Variants in PUM3 observed in about 807,000 individuals in gnomAD.
PUM3 encodes pumilio homolog 3.
A neutral mutation model predicts 84.0 loss-of-function variants in PUM3; 91 were observed. The ratio of observed to expected loss-of-function variants is 1.08; its 90% CI spans 0.91 to 1.29. The LOEUF is 1.29. Ranked by LOEUF, PUM3 falls within the 50% of genes most tolerant of loss-of-function variation. The pLI, the probability that PUM3 is intolerant of heterozygous loss-of-function variation, is 0.00. For synonymous variants in PUM3, 321 were observed against 266.7 expected (o/e 1.20, Z -1.98); for missense variants, 1,067 against 767.5 (o/e 1.39, Z -4.61).
intron 16 of PUM3, among the ~76,000 whole-genome samples, chr9:2,808,838 C>T (rs576713784): frequency 1.3e-5 from 2 of 152,298 alleles, no homozygotes; most frequent in East Asian, 3.9e-4. Context: ...CAGTGGGCCT[C>T]TGTGATTGAC....
chr9:2,810,729 G>C (rs1009992993), intron 15 of PUM3, among the ~76,000 whole-genome samples: 1 of 152,168 alleles, frequency 6.6e-6, no homozygotes, highest in Non-Finnish European at 1.5e-5. Flanking sequence ...TCATCTTAAT[G>C]CTAATCACGT....
At chr9:2,810,505 T>C in intron 15 of PUM3, 74 bp from the exon 16 acceptor site, 1 of 1,016,908 alleles carries the variant, frequency 9.8e-7, no homozygotes, top group Non-Finnish European at 1.5e-6. Flanking sequence ...GAATACATAC[T>C]ATTTATGCCA....
At chr9:2,843,764 G>C (rs185169426) in intron 1 of PUM3, among the ~76,000 whole-genome samples, 2,770 of 151,890 alleles carry the variant, frequency 0.018, 98 homozygotes, top group African/African-American at 0.063. Flanking sequence ...AGTTTTAGTA[G>C]AGACGGGGTT....
At chr9:2,810,099 G>A (rs934777125) in intron 16 of PUM3, among the ~76,000 whole-genome samples, 1 of 151,022 alleles carries the variant, frequency 6.6e-6, no homozygotes, top group African/African-American at 2.4e-5. Context: ...AGAGTGAGGG[G>A]GCGGTGGGGG....
At chr9:2,809,118 G>A (rs1821316470) in intron 16 of PUM3, among the ~76,000 whole-genome samples, 2 of 152,158 alleles carry the variant, frequency 1.3e-5, no homozygotes, top group African/African-American at 2.4e-5. Context: ...CTCTGACTCT[G>A]AGCATAGAGG....
intron 13 of PUM3, among the ~76,000 whole-genome samples, chr9:2,818,626 A>G (rs904819534): frequency 2.0e-5 from 3 of 152,232 alleles, no homozygotes; most frequent in African/African-American, 7.2e-5. Context: ...ATGAAAAACA[A>G]TCATTATTGA....
chr9:2,807,773 T>G (rs1445034095), intron 17 of PUM3, 41 bp downstream of exon 17: 1 of 1,302,452 alleles, frequency 7.7e-7, no homozygotes, highest in Non-Finnish European at 1.1e-6. Flanking sequence ...GTCTTTTGCA[T>G]GACCAGGCCC....
chr9:2,822,759 ATT>A (rs1815688811), intron 12 of PUM3, among the ~76,000 whole-genome samples: 1 of 146,504 alleles, frequency 6.8e-6, no homozygotes, highest in African/African-American at 2.6e-5. Flanking sequence ...AATATATAAC[ATT>A]ATAATTCATA....
chr9:2,822,155 G>A (rs1014540952), intron 12 of PUM3, among the ~76,000 whole-genome samples: 3 of 152,100 alleles, frequency 2.0e-5, no homozygotes, highest in African/African-American at 7.2e-5. Context: ...AAATCCACAA[G>A]TATAGTTGGA....
intron 13 of PUM3, among the ~76,000 whole-genome samples, chr9:2,813,822 A>G (rs1821416544): frequency 6.6e-6 from 1 of 152,066 alleles, no homozygotes; most frequent in Non-Finnish European, 1.5e-5. Flanking sequence ...TTTTTGCACA[A>G]AAGTATAGCA....
chr9:2,811,236 G>A, intron 15 of PUM3, 125 bp downstream of exon 15: 1 of 725,288 alleles, frequency 1.4e-6, no homozygotes, highest in South Asian at 1.7e-5. Context: ...GCTGTGAGAG[G>A]TTCTTGGTTG....
At chr9:2,812,054 T>C (rs1821386275) in intron 14 of PUM3, among the ~76,000 whole-genome samples, 166 bp downstream of exon 14, 1 of 152,170 alleles carries the variant, frequency 6.6e-6, no homozygotes, top group Non-Finnish European at 1.5e-5. Context: ...TATTTCCTTG[T>C]CAAGATAAAA....
intron 9 of PUM3, among the ~76,000 whole-genome samples, chr9:2,828,145 G>A (rs1049884280): frequency 6.6e-6 from 1 of 152,130 alleles, no homozygotes; most frequent in Non-Finnish European, 1.5e-5. Flanking sequence ...GCTCCAGTGA[G>A]CCTCCTGCCT....
chr9:2,818,109 C>T (rs571612596), intron 13 of PUM3, among the ~76,000 whole-genome samples: 164 of 152,314 alleles, frequency 1.1e-3, no homozygotes, highest in African/African-American at 3.9e-3. Context: ...ACTAAGCTTT[C>T]CTGGTTATTT....
chr9:2,823,725 C>A, intron 12 of PUM3, 56 bp downstream of exon 12: 3 of 728,150 alleles, frequency 4.1e-6, no homozygotes, highest in Non-Finnish European at 4.3e-6. Flanking sequence ...CTATAATAGA[C>A]ATGAATTCAT....
At chr9:2,828,220 T>C (rs1476675213) in intron 9 of PUM3, among the ~76,000 whole-genome samples, 1 of 152,096 alleles carries the variant, frequency 6.6e-6, no homozygotes, top group African/African-American at 2.4e-5. Flanking sequence ...TTTCTTATTT[T>C]TTCGTAGAGA....
intron 13 of PUM3, among the ~76,000 whole-genome samples, chr9:2,815,168 G>A (rs1161927840): frequency 6.6e-6 from 1 of 152,086 alleles, no homozygotes; most frequent in Non-Finnish European, 1.5e-5. Flanking sequence ...AAGAATGCAT[G>A]TTTATAAATA....
chr9:2,812,292 C>T lies in PUM3; in HGVS notation c.1340G>A (p.Ser447Asn). 6.2e-7 allele frequency: 1 copy of T among 1,609,182 alleles called. No homozygotes were observed. The highest frequency in any genetic ancestry group is 8.5e-7 in the Non-Finnish European group (1 of 1,175,620). ...TACTGTATGTGCAGGATCTCTGGGG[C>T]TTAGTAAGTACAATAGGACCTTCCT... The part of the protein sequence containing the change: ...YGRKVLLYLL[S>N]PRDPAHTVRE... Residue 447 changes from serine (S) to asparagine (N), a missense_variant, in exon 14 of 18, where the codon AGC (serine) becomes AAC (asparagine). Physicochemically the swap from Ser to Asn is conservative, Grantham distance 46. Transcript: ENST00000397885.
intron 17 of PUM3, among the ~76,000 whole-genome samples, 196 bp from the exon 18 acceptor site, chr9:2,804,659 C>G (rs1364264117): frequency 3.9e-5 from 6 of 152,172 alleles, no homozygotes; most frequent in African/African-American, 1.4e-4. Flanking sequence ...GTTTTAGAAT[C>G]TTGCTGGTGG....
Sources: allele counts gnomAD v4.1 joint callset (sites outside exome capture counted in the v4.1 genomes callset), GRCh38; gene constraint gnomAD v4.1.1; transcripts MANE v1.5; gene names NCBI Gene and HGNC (gene_info 2026-07-23, HGNC 2026-07-21).